The following GALNT2 variants were observed in gnomAD, a reference collection of about 807,000 sequenced individuals.
GALNT2 encodes polypeptide N-acetylgalactosaminyltransferase 2.
In GALNT2, 31 loss-of-function variants were observed where a neutral mutation model predicts 81.4. The ratio of observed to expected loss-of-function variants is 0.38; its 90% CI spans 0.29 to 0.51. The LOEUF is 0.51. Ranked by LOEUF, GALNT2 falls within the 20% of genes least tolerant of loss-of-function variation. The pLI is 0.87. For synonymous variants in GALNT2, 303 were observed against 287.4 expected (o/e 1.05, Z -0.55); for missense variants, 629 against 765.7 (o/e 0.82, Z 2.11).
intron 1 of GALNT2, among the ~76,000 whole-genome samples, chr1:230,086,466 C>T (rs16850877): frequency 0.025 from 3,812 of 152,168 alleles, 72 homozygotes; most frequent in South Asian, 0.063. Context: ...GGCCCTTGTG[C>T]GAGAACTGTC....
chr1:230,126,394 G>A (rs542161748), intron 1 of GALNT2, among the ~76,000 whole-genome samples: 1 of 152,320 alleles, frequency 6.6e-6, no homozygotes, highest in East Asian at 1.9e-4. Flanking sequence ...CTGAGAGGGA[G>A]GGATGGAAGG....
intron 1 of GALNT2, among the ~76,000 whole-genome samples, chr1:230,113,494 C>G (rs1660760488): frequency 1.3e-5 from 2 of 152,140 alleles, no homozygotes; most frequent in African/African-American, 4.8e-5. Context: ...CTGACCCCAC[C>G]TGCTGGGGCA....
chr1:230,229,926 C>T (rs781367676), intron 3 of GALNT2, among the ~76,000 whole-genome samples: 6 of 152,068 alleles, frequency 3.9e-5, no homozygotes, highest in Non-Finnish European at 7.4e-5. Flanking sequence ...AGTGATTGCC[C>T]CTGGGGAAGA....
At chr1:230,261,291 T>C (rs1665870251) in intron 11 of GALNT2, among the ~76,000 whole-genome samples, 1 of 152,246 alleles carries the variant, frequency 6.6e-6, no homozygotes, top group Admixed American at 6.5e-5. Flanking sequence ...TGAAAAAGTA[T>C]ATATATCACC....
intron 7 of GALNT2, among the ~76,000 whole-genome samples, chr1:230,245,229 C>G (rs948041526): frequency 6.6e-6 from 1 of 151,810 alleles, no homozygotes; most frequent in Non-Finnish European, 1.5e-5. Context: ...TTTGGGAGGC[C>G]GAGGCAGGCA....
At chr1:230,272,777 G>A (rs1666189255) in intron 14 of GALNT2, among the ~76,000 whole-genome samples, 1 of 152,050 alleles carries the variant, frequency 6.6e-6, no homozygotes, top group South Asian at 2.1e-4. Context: ...GTTCGGTTCA[G>A]TTCGGTTTGG....
At chr1:230,142,458 T>C (rs903944342) in intron 1 of GALNT2, among the ~76,000 whole-genome samples, 4 of 152,158 alleles carry the variant, frequency 2.6e-5, no homozygotes, top group African/African-American at 2.4e-5. Context: ...CGCCAGCTGA[T>C]CACTCTTGAT....
At chr1:230,208,269 A>G (rs1230900057) in intron 3 of GALNT2, among the ~76,000 whole-genome samples, 1 of 152,150 alleles carries the variant, frequency 6.6e-6, no homozygotes, top group Non-Finnish European at 1.5e-5. Context: ...CTGGTGGGCT[A>G]TATTCTGAAG....
chr1:230,086,537 T>C (rs528942023), intron 1 of GALNT2, among the ~76,000 whole-genome samples: 1 of 152,316 alleles, frequency 6.6e-6, no homozygotes, highest in East Asian at 1.9e-4. Context: ...AGGGGGATGT[T>C]CTTACTGGCA....
chr1:230,155,932 C>A (rs987321642), intron 1 of GALNT2, among the ~76,000 whole-genome samples: 1 of 151,896 alleles, frequency 6.6e-6, no homozygotes, highest in African/African-American at 2.4e-5. Context: ...GGGGAGGGAA[C>A]TATTGTGTCA....
intron 1 of GALNT2, among the ~76,000 whole-genome samples, chr1:230,098,489 C>T (rs1201917217): frequency 2.0e-5 from 3 of 151,878 alleles, no homozygotes; most frequent in African/African-American, 7.3e-5. Context: ...AAGAGCCTGA[C>T]AAATCCCGTT....
intron 1 of GALNT2, among the ~76,000 whole-genome samples, chr1:230,162,350 G>A (rs536349179): frequency 3.9e-5 from 6 of 152,220 alleles, no homozygotes; most frequent in Non-Finnish European, 7.4e-5. Context: ...TTAGCATTCC[G>A]GGTGATGCTA....
intron 1 of GALNT2, among the ~76,000 whole-genome samples, chr1:230,169,756 T>C (rs1662733779): frequency 6.6e-6 from 1 of 152,254 alleles, no homozygotes. Flanking sequence ...GGTTACACAG[T>C]AAAATAAGTG....
At chr1:230,146,795 C>T (rs968258878) in intron 1 of GALNT2, among the ~76,000 whole-genome samples, 3 of 152,132 alleles carry the variant, frequency 2.0e-5, no homozygotes, top group Admixed American at 6.5e-5. Context: ...AGGGGCTGCA[C>T]GCACCTCAGA....
At chr1:230,262,695 ACT>A in intron 12 of GALNT2, 30 bp downstream of exon 12, 4 of 1,212,974 alleles carry the variant, frequency 3.3e-6, no homozygotes, top group Non-Finnish European at 4.8e-6. Flanking sequence ...TCTCACAATT[ACT>A]GGGGATTCTT....
intron 2 of GALNT2, among the ~76,000 whole-genome samples, chr1:230,185,106 CT>C (rs1382548195): frequency 1.8e-4 from 28 of 152,096 alleles, no homozygotes; most frequent in Admixed American, 1.3e-3. Context: ...TTCCATTTCG[CT>C]GCTTACATTA....
intron 3 of GALNT2, among the ~76,000 whole-genome samples, chr1:230,213,981 GCTC>G (rs1664309673): frequency 1.3e-5 from 2 of 151,942 alleles, no homozygotes; most frequent in African/African-American, 4.8e-5. Context: ...TATTCCCATT[GCTC>G]CTCATTTCTT....
chr1:230,189,767 A>T (rs1455967803), intron 2 of GALNT2, among the ~76,000 whole-genome samples: 1 of 152,186 alleles, frequency 6.6e-6, no homozygotes, highest in Admixed American at 6.5e-5. Flanking sequence ...AGCTGTTTTC[A>T]TCTTGCAAAA....
At chr1:230,237,132 T>A (rs938127366) in intron 6 of GALNT2, among the ~76,000 whole-genome samples, 1 of 152,228 alleles carries the variant, frequency 6.6e-6, no homozygotes, top group Non-Finnish European at 1.5e-5. Context: ...AGGTGAACCA[T>A]CCAAAATGGG....
Sources: gnomAD v4.1 joint callset for allele counts (sites outside exome capture counted in the v4.1 genomes callset) on GRCh38, gnomAD v4.1.1 for gene constraint, MANE v1.5 for transcripts, NCBI Gene and HGNC (gene_info 2026-07-23, HGNC 2026-07-21) for gene names.